WDR19: variants seen among roughly 807,000 people sequenced by gnomAD.
The protein encoded by WDR19 is WD repeat-containing protein 19.
Under a neutral mutation model 180.0 loss-of-function variants are expected in WDR19, and 121 were observed. The observed-to-expected ratio is 0.67, with a 90% CI of 0.58 to 0.78. The LOEUF is 0.78. Ranked by LOEUF, WDR19 falls within the 30% of genes least tolerant of loss-of-function variation. The pLI is 0.00. For synonymous variants in WDR19, 497 were observed against 540.7 expected (o/e 0.92, Z 1.12); for missense variants, 1,450 against 1,640.7 (o/e 0.88, Z 2.01).
At chr4:39,252,458 G>A (rs950099685) in intron 24 of WDR19, among the ~76,000 whole-genome samples, 1 of 151,434 alleles carries the variant, frequency 6.6e-6, no homozygotes. Context: ...TGTATACATA[G>A]ATAACAAACC....
At chr4:39,281,236 T>TATATAGAGAGAGTGAG (rs762298152) in intron 36 of WDR19, among the ~76,000 whole-genome samples, 1 of 104,040 alleles carries the variant, frequency 9.6e-6, no homozygotes, top group Non-Finnish European at 1.8e-5. Context: ...TATATATATA[T>TATATAGAGAGAGTGAG]AGAGAGAGAG....
At chr4:39,246,828 G>T (rs1419426765) in intron 24 of WDR19, among the ~76,000 whole-genome samples, 1 of 152,234 alleles carries the variant, frequency 6.6e-6, no homozygotes, top group Admixed American at 6.5e-5. Context: ...CATTGCTGAG[G>T]CTTGAGTAGG....
At position 39,231,838 on chromosome 4, in the gene WDR19, A is replaced by G. The variant is rs756047632; in HGVS notation, c.2024A>G (p.Glu675Gly). 6.2e-7 allele frequency: 1 copy of G among 1,602,608 alleles called. No homozygotes were observed. The highest frequency in any genetic ancestry group is 1.1e-5 in the South Asian group (1 of 90,536). ...GAAATGTGCAGGATTCTGAATGATGAGGCTGCCTGGAATGAGTTGGCCAGA... is the reference window on the plus strand; with the variant it reads ...GAAATGTGCAGGATTCTGAATGATGGGGCTGCCTGGAATGAGTTGGCCAGA... Reference protein sequence around the residue: ...AWEMCRILNDEAAWNELARAC... With the variant: ...AWEMCRILNDGAAWNELARAC... Residue 675 changes from glutamate to glycine, a missense_variant, in exon 18 of 37, where the codon GAG becomes GGG. Glu to Gly is a moderately conservative substitution (Grantham distance 98). Transcript: ENST00000399820.
rs770346096 is a variant in WDR19, at chr4:39,234,763, C to G, written c.2254-3C>G. 6.4e-7 allele frequency: 1 copy of G among 1,557,892 alleles called. No individual in the cohort carries two copies. The highest frequency in any genetic ancestry group is 1.2e-5 in the South Asian group (1 of 84,874). ...GAAATTAAGGTCTTTCTCTTCTTAA[C>G]AGATGAGAAGGGATTTACAGCATTG... is the stretch of plus-strand genomic sequence containing the variant. On this transcript the variant is annotated splice_region_variant and splice_polypyrimidine_tract_variant and intron_variant, in intron 19 of 36. Coordinates refer to ENST00000399820, the MANE Select transcript of WDR19 (RefSeq NM_025132.4).
chr4:39,244,189 C>A, intron 21 of WDR19, 59 bp from the exon 22 acceptor site: 1 of 1,582,132 alleles, frequency 6.3e-7, no homozygotes, highest in South Asian at 1.1e-5. Flanking sequence ...ATTGTTCTGT[C>A]TTAAACACAT....
chr4:39,280,131 T>G (rs1206414943), intron 36 of WDR19, among the ~76,000 whole-genome samples: 6 of 115,122 alleles, frequency 5.2e-5, no homozygotes, highest in Admixed American at 2.0e-4. Flanking sequence ...TTTTTTTTTT[T>G]TTTTTTTTTT....
At chr4:39,237,529 ACC>A (rs1196834417) in intron 20 of WDR19, among the ~76,000 whole-genome samples, 8 of 152,088 alleles carry the variant, frequency 5.3e-5, no homozygotes, top group African/African-American at 1.7e-4. Flanking sequence ...TCACGCCACT[ACC>A]CACCAGCCTA....
chr4:39,249,202 G>A (rs1277077000), intron 24 of WDR19, among the ~76,000 whole-genome samples: 6 of 151,226 alleles, frequency 4.0e-5, no homozygotes, highest in African/African-American at 1.2e-4. Context: ...ACTCAAAACC[G>A]CTCAACTACA....
chr4:39,245,239 C>A, intron 23 of WDR19, 130 bp from the exon 24 acceptor site: 1 of 708,278 alleles, frequency 1.4e-6, no homozygotes, highest in South Asian at 2.5e-5. Flanking sequence ...CTGCACCCCG[C>A]CAGGAGCCAA....
At chr4:39,197,915 T>C (rs1023629465) in intron 5 of WDR19, among the ~76,000 whole-genome samples, 9 of 152,218 alleles carry the variant, frequency 5.9e-5, no homozygotes, top group Admixed American at 1.3e-4. Context: ...TACGGCGCAC[T>C]GCAGCCTCAA....
At chr4:39,216,793 T>C (rs940487866) in intron 12 of WDR19, among the ~76,000 whole-genome samples, 1 of 152,310 alleles carries the variant, frequency 6.6e-6, no homozygotes, top group South Asian at 2.1e-4. Context: ...CCCTCAGGAA[T>C]AGAACAAACC....
rs1728858909 is a variant in WDR19, at chr4:39,214,487, A to ACAT, written c.891-111_891-109dup. ...TTCTTAACCCAGTAGATCATTCTGT[A>ACAT]CATCACATTTTGGAGACCAGTAACC... On this transcript the variant is annotated intron_variant, in intron 9 of 36. Coordinates refer to ENST00000399820, the MANE Select transcript of WDR19 (RefSeq NM_025132.4). 5 of 615,440 alleles carry ACAT rather than the reference A, an allele frequency of 8.1e-6. No homozygotes were observed. The East Asian group carries it at 1.5e-4, about 18-fold the overall frequency. The allele number at this position is 615,440 out of a possible 1,614,324, so 38.1% of individuals were successfully genotyped here. A position where few individuals can be genotyped will look rare whatever the true frequency, so the allele number is the denominator to read the frequency against.
intron 5 of WDR19, among the ~76,000 whole-genome samples, chr4:39,196,608 T>G (rs2109271360): frequency 6.6e-6 from 1 of 152,336 alleles, no homozygotes; most frequent in Middle Eastern, 3.4e-3. Context: ...TCTACCTTAA[T>G]TTCTGCAGTC....
rs763965982 is a variant in WDR19 at position 39,244,316 on chromosome 4, G to T, written c.2490G>T (p.Gly830=). 6.8e-6 allele frequency: 11 copies of T among 1,613,940 alleles called. No homozygotes were observed. The highest frequency in any genetic ancestry group is 9.3e-6 in the Non-Finnish European group (11 of 1,179,868). The change falls in exon 22 of 37, where the codon GGG becomes GGT. Residue 830 remains glycine (G), a synonymous_variant. Transcript: ENST00000399820. ...MSIRMGDIRR[G]VNQALKHPSR... ...TAAGAATGGGAGACATACGTCGAGG[G>T]GTTAACCAAGCCCTCAAGCATCCCA...
At chr4:39,240,885 G>C (rs1224148096) in intron 21 of WDR19, among the ~76,000 whole-genome samples, 1 of 151,514 alleles carries the variant, frequency 6.6e-6, no homozygotes, top group Non-Finnish European at 1.5e-5. Flanking sequence ...GAATCTGGAA[G>C]GATGAGGTTG....
chr4:39,205,446 A>T lies in WDR19; in HGVS notation c.717-117A>T. ...CCTAGTATATTATCTGACACAAAGT[A>T]GGCCCTTGATAAATTATATTCTATA... On this transcript the variant is annotated intron_variant, in intron 8 of 36. Coordinates refer to ENST00000399820, the MANE Select transcript of WDR19 (RefSeq NM_025132.4). The T allele has an allele frequency of 2.4e-6, 3 of 1,270,784 alleles. 1 individual carries two copies. Among genetic ancestry groups the T allele is most frequent in the Non-Finnish European group, 3.2e-6 (3 of 932,586 alleles). 78.7% of individuals were successfully genotyped at this position (1,270,784 alleles called of 1,614,324 possible). A position where few individuals can be genotyped will look rare whatever the true frequency, so the allele number is the denominator to read the frequency against.
intron 31 of WDR19, among the ~76,000 whole-genome samples, chr4:39,270,403 G>A (rs191077472): frequency 6.6e-6 from 1 of 152,118 alleles, no homozygotes; most frequent in African/African-American, 2.4e-5. Flanking sequence ...TTGAGACGAC[G>A]TCTTGCTCTT....
chr4:39,186,366 C>A (rs941584307), intron 2 of WDR19, among the ~76,000 whole-genome samples, 173 bp from the exon 3 acceptor site: 3 of 149,202 alleles, frequency 2.0e-5, no homozygotes, highest in African/African-American at 7.4e-5. Flanking sequence ...GTAATCCCAG[C>A]TACTTAGGAG....
In WDR19 at chr4:39,209,121, C is replaced by T. The variant is rs996123822; in HGVS notation, c.890+3385C>T. Among the ~76,000 whole-genome samples the T allele has an allele frequency of 2.6e-5, 4 of 152,110 alleles. No homozygotes were observed. The South Asian group carries it at 8.3e-4, about 32-fold the overall frequency. On this transcript the variant is annotated intron_variant, in intron 9 of 36. Coordinates refer to ENST00000399820, the MANE Select transcript of WDR19 (RefSeq NM_025132.4). ...AGACTACCCTGGCTCATGAAACAAA[C>T]TTCAGCAAATTTAAATTGAATCATA...
Sources: allele counts gnomAD v4.1 joint callset (sites outside exome capture counted in the v4.1 genomes callset), GRCh38; gene constraint gnomAD v4.1.1; transcripts MANE v1.5; gene names NCBI Gene and HGNC (gene_info 2026-07-23, HGNC 2026-07-21).